The following CCM2 variants were observed in gnomAD, a reference collection of about 807,000 sequenced individuals.
CCM2 encodes the protein CCM2 scaffold protein.
Under a neutral mutation model 44.9 loss-of-function variants are expected in CCM2, and 25 were observed. The observed-to-expected ratio is 0.56, with a 90% CI of 0.41 to 0.78. CCM2 has a LOEUF of 0.78. Among genes scored for constraint, CCM2 ranks in the 30% least tolerant of loss-of-function variants. The pLI is 0.00. For missense variants in CCM2, 481 were observed against 580.6 expected, an observed-to-expected ratio of 0.83 and a Z score of 1.76; for synonymous variants, 219 against 241.1, an observed-to-expected ratio of 0.91 and a Z score of 0.85.
At chr7:45,012,721 ATT>A (rs1162957799) in intron 1 of CCM2, among the ~76,000 whole-genome samples, 1 of 145,448 alleles carries the variant, frequency 6.9e-6, no homozygotes, top group Admixed American at 6.9e-5. Context: ...TGCCTGGCTA[ATT>A]TTTTTTTTTT....
chr7:45,074,022 C>A, intron 8 of CCM2: 1 of 743,982 alleles, frequency 1.3e-6, no homozygotes, highest in Non-Finnish European at 2.1e-6. Flanking sequence ...CCTGTCCCTC[C>A]CATGCACTCT....
intron 1 of CCM2, among the ~76,000 whole-genome samples, chr7:45,018,606 C>A (rs1264353220): frequency 6.6e-6 from 1 of 152,112 alleles, no homozygotes; most frequent in Non-Finnish European, 1.5e-5. Context: ...AGTGATCTGC[C>A]TGCCTGAGCC....
intron 2 of CCM2, among the ~76,000 whole-genome samples, chr7:45,045,950 A>G (rs1374652025): frequency 6.6e-6 from 1 of 152,236 alleles, no homozygotes; most frequent in Non-Finnish European, 1.5e-5. Flanking sequence ...TGTATGCTGA[A>G]AACTATAGAA....
At chr7:45,064,433 G>C in intron 3 of CCM2, 30 bp from the exon 4 acceptor site, 2 of 1,610,642 alleles carry the variant, frequency 1.2e-6, no homozygotes, top group Non-Finnish European at 1.7e-6. Context: ...AGCTGAGTCT[G>C]TATTTCTGAT....
At chr7:45,070,067 C>T (rs776310524) in intron 6 of CCM2, 106 bp downstream of exon 6, 26 of 1,425,518 alleles carry the variant, frequency 1.8e-5, no homozygotes, top group East Asian at 1.6e-4. Flanking sequence ...CAGTTACTGC[C>T]GTGACATGGT....
At chr7:45,022,411 A>G (rs770693061) in intron 1 of CCM2, among the ~76,000 whole-genome samples, 5 of 140,416 alleles carry the variant, frequency 3.6e-5, no homozygotes, top group East Asian at 4.2e-4. Context: ...GGTTCACGCC[A>G]TTCTCCTGTC....
chr7:45,038,190 C>G, intron 1 of CCM2, 63 bp from the exon 2 acceptor site: 1 of 1,597,388 alleles, frequency 6.3e-7, no homozygotes, highest in Non-Finnish European at 8.6e-7. Context: ...GTTTGTTAAC[C>G]ATAGGTACAA....
intron 2 of CCM2, chr7:45,043,867 A>C (rs1381182087): frequency 3.8e-6 from 1 of 260,348 alleles, no homozygotes; most frequent in Non-Finnish European, 7.5e-6. Context: ...TTCAACCCTG[A>C]ATTAAATTGT....
intron 2 of CCM2, among the ~76,000 whole-genome samples, chr7:45,058,324 G>A (rs940129588): frequency 4.6e-5 from 7 of 151,376 alleles, no homozygotes; most frequent in African/African-American, 2.4e-5. Context: ...GCTTTAGGGT[G>A]TTTTTTTTTA....
chr7:45,023,821 T>TATGAGACAGAG (rs1402861324), intron 1 of CCM2, among the ~76,000 whole-genome samples: 2 of 146,124 alleles, frequency 1.4e-5, no homozygotes, highest in African/African-American at 5.0e-5. Context: ...TTTTTTTTTT[T>TATGAGACAGAG]TTTTATGAGA....
Position 45,036,951 on chromosome 7 carries a change from T to G in CCM2, c.31-1302T>G, listed in dbSNP as rs550368612. Among the ~76,000 whole-genome samples, 5 of 152,320 alleles carry G rather than the reference T, an allele frequency of 3.3e-5. No homozygotes were observed. The East Asian group carries it at 9.6e-4, about 29-fold the overall frequency. On this transcript the variant is annotated intron_variant, in intron 1 of 9. Coordinates refer to ENST00000258781, the MANE Select transcript of CCM2 (RefSeq NM_031443.4). ...GGAGTGTTGTCATCTCCTCCTGCGT[T>G]TCCTCTGTTGAGAGTTATGGAGGAG...
intron 1 of CCM2, among the ~76,000 whole-genome samples, chr7:45,018,523 AT>A (rs942878855): frequency 1.3e-5 from 2 of 150,538 alleles, no homozygotes; most frequent in Admixed American, 6.6e-5. Context: ...CGCCCAGCTA[AT>A]TTTTTTTTGT....
chr7:45,051,429 G>A (rs1214761173), intron 2 of CCM2, among the ~76,000 whole-genome samples: 3 of 150,230 alleles, frequency 2.0e-5, no homozygotes, highest in Admixed American at 6.6e-5. Context: ...ACATAGTCTC[G>A]TTCTGTCGCC....
At chr7:45,070,409 G>A (rs1045019994) in intron 6 of CCM2, 2 of 455,744 alleles carry the variant, frequency 4.4e-6, no homozygotes, top group African/African-American at 4.0e-5. Flanking sequence ...AGACCCATGG[G>A]AAGCTGCTCA....
At chr7:45,051,930 C>T (rs1272643231) in intron 2 of CCM2, among the ~76,000 whole-genome samples, 1 of 152,204 alleles carries the variant, frequency 6.6e-6, no homozygotes, top group East Asian at 1.9e-4. Flanking sequence ...TGGTCTTGAT[C>T]TCCTGACCTC....
At chr7:45,027,487 G>A (rs1443545041) in intron 1 of CCM2, 4 of 734,822 alleles carry the variant, frequency 5.4e-6, no homozygotes, top group African/African-American at 1.8e-5. Context: ...AAAATGAGCT[G>A]GTTTACTTTG....
chr7:45,022,834 G>A (rs868291569), intron 1 of CCM2, among the ~76,000 whole-genome samples: 1 of 151,708 alleles, frequency 6.6e-6, no homozygotes, highest in African/African-American at 2.4e-5. Flanking sequence ...TCTGCCTCCC[G>A]ACCTCAAGCG....
chr7:45,072,443 T>C (rs762697495), intron 6 of CCM2: 23 of 560,874 alleles, frequency 4.1e-5, no homozygotes, highest in Non-Finnish European at 7.1e-5. Flanking sequence ...AAGACAGCTT[T>C]TGCTGGCTCT....
At chr7:45,015,728 G>A (rs1166468853) in intron 1 of CCM2, among the ~76,000 whole-genome samples, 2 of 152,134 alleles carry the variant, frequency 1.3e-5, no homozygotes, top group Non-Finnish European at 2.9e-5. Context: ...TTCCTTAAGC[G>A]TGGCCCTGAT....
Sources: gnomAD v4.1 joint callset for allele counts (sites outside exome capture counted in the v4.1 genomes callset) on GRCh38, gnomAD v4.1.1 for gene constraint, MANE v1.5 for transcripts, NCBI Gene and HGNC (gene_info 2026-07-23, HGNC 2026-07-21) for gene names.